Variants in PRDM11 observed in about 807,000 individuals in gnomAD.
The protein encoded by PRDM11 is PR/SET domain 11, also known as PR domain-containing protein 11.
In PRDM11, 20 loss-of-function variants were observed where a neutral mutation model predicts 97.8. The observed-to-expected ratio is 0.20, with a 90% CI of 0.14 to 0.30. PRDM11 has a LOEUF of 0.30. Among genes scored for constraint, PRDM11 ranks in the 10% least tolerant of loss-of-function variants. The pLI is 1.00. For missense variants in PRDM11, 1,139 were observed against 1,555.2 expected (o/e 0.73, Z 4.50); for synonymous variants, 599 against 637.7 (o/e 0.94, Z 0.91).
At chr11:45,117,631 C>CAGCT (rs1297276410) in intron 1 of PRDM11, among the ~76,000 whole-genome samples, 1 of 152,090 alleles carries the variant, frequency 6.6e-6, no homozygotes, top group African/African-American at 2.4e-5. Flanking sequence ...CCTGTACACC[C>CAGCT]AGCTACTCAA....
intron 6 of PRDM11, among the ~76,000 whole-genome samples, chr11:45,221,206 A>G (rs1404957957): frequency 6.6e-6 from 1 of 152,222 alleles, no homozygotes; most frequent in Admixed American, 6.5e-5. Flanking sequence ...CAGTAAAAGG[A>G]GACCCCATAA....
At chr11:45,125,391 G>T (rs1289936745) in intron 1 of PRDM11, among the ~76,000 whole-genome samples, 1 of 152,106 alleles carries the variant, frequency 6.6e-6, no homozygotes, top group Non-Finnish European at 1.5e-5. Context: ...GCTTTTGAAT[G>T]TGTTTGCTCT....
rs915991639 is a variant in PRDM11, at chr11:45,127,452, C to T, written c.96+31551C>T. Among the ~76,000 whole-genome samples, 20 of 152,216 alleles carry T rather than the reference C, an allele frequency of 1.3e-4. No homozygotes were observed. In the Middle Eastern group the frequency reaches 0.01, roughly 78 times the overall value. Reference sequence around the variant, plus strand: ...TCCAGTTTTTCTGCTCTGTTTTTTCCCCATCTTTGTAGTTTTATCTACTTT... The same window carrying T: ...TCCAGTTTTTCTGCTCTGTTTTTTCTCCATCTTTGTAGTTTTATCTACTTT... On this transcript the variant is annotated intron_variant, in intron 1 of 6. Transcript: ENST00000530656.
At chr11:45,192,794 A>G (rs558481807) in intron 4 of PRDM11, among the ~76,000 whole-genome samples, 2 of 152,320 alleles carry the variant, frequency 1.3e-5, no homozygotes, top group African/African-American at 4.8e-5. Flanking sequence ...AGTGTCTTGT[A>G]CTTATAACTT....
chr11:45,136,006 T>G (rs1298286309), intron 1 of PRDM11, among the ~76,000 whole-genome samples: 1 of 152,148 alleles, frequency 6.6e-6, no homozygotes, highest in Non-Finnish European at 1.5e-5. Flanking sequence ...AAAAGTACTT[T>G]TAGTAAAAAG....
intron 1 of PRDM11, among the ~76,000 whole-genome samples, chr11:45,152,815 C>T (rs184942607): frequency 2.6e-5 from 4 of 152,342 alleles, no homozygotes; most frequent in Admixed American, 2.0e-4. Context: ...TTCCTGAGCC[C>T]TCCGGCCTAA....
At chr11:45,184,521 T>C (rs1211836949) in intron 4 of PRDM11, among the ~76,000 whole-genome samples, 2 of 152,084 alleles carry the variant, frequency 1.3e-5, no homozygotes, top group Admixed American at 1.3e-4. Context: ...ACGAACTGCT[T>C]TGTGAACTGT....
At chr11:45,199,853 T>C (rs1853264853) in intron 4 of PRDM11, among the ~76,000 whole-genome samples, 1 of 152,124 alleles carries the variant, frequency 6.6e-6, no homozygotes, top group African/African-American at 2.4e-5. Flanking sequence ...TAGGGCACCA[T>C]CTCTCTCTTC....
chr11:45,150,664 A>G (rs948195083), intron 1 of PRDM11, among the ~76,000 whole-genome samples: 1 of 152,208 alleles, frequency 6.6e-6, no homozygotes, highest in African/African-American at 2.4e-5. Context: ...GGGATGTAGC[A>G]TAGGATATTC....
At chr11:45,156,951 G>A (rs1027283364) in intron 1 of PRDM11, among the ~76,000 whole-genome samples, 1 of 152,196 alleles carries the variant, frequency 6.6e-6, no homozygotes, top group Non-Finnish European at 1.5e-5. Flanking sequence ...GGTCATGGGT[G>A]TTTAGAGAAG....
Position 45,182,861 on chromosome 11 carries a change from T to C in PRDM11, c.224T>C (p.Phe75Ser). 5 of 1,579,310 alleles carry C rather than the reference T, an allele frequency of 3.2e-6. No individual in the cohort carries two copies. Among genetic ancestry groups the C allele is most frequent in the Middle Eastern group, 1.7e-4 (1 of 5,866 alleles). Residue 75 changes from phenylalanine (F) to serine (S), a missense_variant and splice_region_variant, in exon 4 of 8, where the codon TTC becomes TCC. Coordinates refer to ENST00000683152, the MANE Select transcript of PRDM11 (RefSeq NM_001384648.1). ...PKSFQQVDFW[F>S]CESCQEYFVD... The stretch of plus-strand genomic sequence containing the variant: ...CTCCCTTCTCTTTCCATCCCTCCAG[T>C]CTGTGAGTCCTGCCAGGAGTACTTC...
chr11:45,183,028 T>C lies in PRDM11; in HGVS notation c.391T>C (p.Cys131Arg). The C allele has an allele frequency of 6.2e-7, 1 of 1,614,086 alleles. No individual in the cohort carries two copies. The highest frequency in any genetic ancestry group is 8.5e-7 in the Non-Finnish European group (1 of 1,180,010). Residue 131 changes from cysteine to arginine, a missense_variant, in exon 4 of 8, where the codon TGT (cysteine) becomes CGT (arginine). Around this residue, in one of 2 missense-constraint regions of PRDM11, gnomAD observed 429 missense variants for 510.3 expected, o/e 0.84. Coordinates refer to ENST00000683152, the MANE Select transcript of PRDM11 (RefSeq NM_001384648.1). ...KDTSGESDVR[C>R]VNEVIPKGHI... ...CACTAGTGGAGAGAGTGACGTGCGA[T>C]GTGTAAACGAGGTCATCCCCAAGGG...
upstream of PRDM11, among the ~76,000 whole-genome samples, chr11:45,142,418 T>C (rs1851425480): frequency 1.3e-5 from 2 of 152,248 alleles, no homozygotes; most frequent in East Asian, 1.9e-4. Flanking sequence ...GCTGGCTCCT[T>C]TGTATCTAGC....
chr11:45,119,420 G>A (rs993466562), intron 1 of PRDM11, among the ~76,000 whole-genome samples: 4 of 152,070 alleles, frequency 2.6e-5, no homozygotes, highest in African/African-American at 9.7e-5. Context: ...GAGGTCAGGA[G>A]ATCGAGACCA....
At position 45,227,804 on chromosome 11, in the gene PRDM11, A is replaced by T; in HGVS notation, c.3179A>T (p.His1060Leu). Residue 1060 changes from histidine (H) to leucine (L), a missense_variant, in exon 8 of 8, where the codon CAC becomes CTC. Around this residue, in one of 2 missense-constraint regions of PRDM11, gnomAD observed 710 missense variants for 1,044.9 expected, o/e 0.68. Coordinates refer to ENST00000683152, the MANE Select transcript of PRDM11 (RefSeq NM_001384648.1). The surrounding 1 kb of genome is among the most constrained non-coding windows in gnomAD (Gnocchi z 8.0). ...AATGGCTTCAAAGACCTGATCAGCC[A>T]CATTTGCAAGTACAAACAGAGGTTT... ...TKNGFKDLIS[H>L]ICKYKQRFPL... 1.3e-6 allele frequency: 2 copies of T among 1,533,976 alleles called. No individual in the cohort carries two copies. Among genetic ancestry groups the T allele is most frequent in the Non-Finnish European group, 1.7e-6 (2 of 1,146,738 alleles).
intron 1 of PRDM11, among the ~76,000 whole-genome samples, chr11:45,102,846 C>T (rs567270236): frequency 1.3e-5 from 2 of 152,318 alleles, no homozygotes; most frequent in Admixed American, 1.3e-4. Flanking sequence ...GGGAAGGCTT[C>T]CTGGGAATGG....
chr11:45,228,066 G>T lies in PRDM11; in HGVS notation c.3441G>T (p.Leu1147=). The change falls in exon 8 of 8, where the codon CTG becomes CTT. Residue 1147 remains leucine, a synonymous_variant. Coordinates refer to ENST00000683152, the MANE Select transcript of PRDM11 (RefSeq NM_001384648.1). ...AGAAGTCTGGGAACAGTTACGCGCT[G>T]TCTGCAGAAGTCCTCAGTAGGATGT... ...FEEKSGNSYA[L]SAEVLSRMSA... is the part of the protein sequence containing the mutation. 6.5e-7 allele frequency: 1 copy of T among 1,533,754 alleles called. No homozygotes were observed.
intron 1 of PRDM11, among the ~76,000 whole-genome samples, chr11:45,097,306 C>G (rs1851898680): frequency 6.6e-6 from 1 of 152,194 alleles, no homozygotes; most frequent in Admixed American, 6.5e-5. Flanking sequence ...ACTGAAGGCA[C>G]TGGACTAGGT....
intron 5 of PRDM11, among the ~76,000 whole-genome samples, chr11:45,208,178 C>T (rs1853583268): frequency 6.6e-6 from 1 of 152,140 alleles, no homozygotes; most frequent in Non-Finnish European, 1.5e-5. Context: ...CAGCCCACCC[C>T]CGAAGAAAGC....
Sources: gnomAD v4.1 joint callset for allele counts (sites outside exome capture counted in the v4.1 genomes callset) on GRCh38, gnomAD v4.1.1 for gene constraint, gnomAD v4.1.1 regional missense constraint, Gnocchi (gnomAD v3.1) non-coding constraint, MANE v1.5 for transcripts, NCBI Gene and HGNC (gene_info 2026-07-23, HGNC 2026-07-21) for gene names.